Variants in GABRR1 observed in about 807,000 individuals in gnomAD.
GABRR1 encodes the protein gamma-aminobutyric acid receptor subunit rho-1.
Under a neutral mutation model 55.5 loss-of-function variants are expected in GABRR1, and 59 were observed. The ratio of observed to expected loss-of-function variants is 1.06; its 90% CI spans 0.86 to 1.32. The LOEUF (loss-of-function observed/expected upper bound fraction) is 1.32. Among genes scored for constraint, GABRR1 ranks in the 40% most tolerant of loss-of-function variants. GABRR1 has a pLI of 0.00. For missense variants in GABRR1, 602 were observed against 619.1 expected (o/e 0.97, Z 0.29); for synonymous variants, 213 against 226.0 (o/e 0.94, Z 0.51).
At chr6:89,180,610 C>T in intron 8 of GABRR1, 122 bp from the exon 9 acceptor site, 1 of 1,171,308 alleles carries the variant, frequency 8.5e-7, no homozygotes, top group Non-Finnish European at 1.2e-6. Context: ...ATCCCTGCTC[C>T]ACTGCCCAGC....
intron 1 of GABRR1, among the ~76,000 whole-genome samples, chr6:89,226,078 T>C (rs1293393426): frequency 1.3e-5 from 2 of 152,166 alleles, no homozygotes; most frequent in African/African-American, 4.8e-5. Context: ...GAGAAGTGTC[T>C]GTTCATGTCC....
In GABRR1 at chr6:89,217,219, T is replaced by A. The variant is rs1198410774; in HGVS notation, c.104A>T (p.Glu35Val). The change falls in exon 1 of 10, where the codon GAG becomes GTG. Residue 35 changes from glutamate (E) to valine (V), a missense_variant. This residue lies in a region of GABRR1 where 435 missense variants were observed against 424.2 expected (regional missense o/e 1.03). Transcript: ENST00000454853. ...RMHWPGREVH[E>V]MSKKGRPQRQ... The stretch of plus-strand genomic sequence containing the variant: ...CACTCACCTGCCTTTCTTAGACATC[T>A]CGTGGACTTCTCTTCCGGGCCAGTG... 2 of 1,614,002 alleles carry A rather than the reference T, an allele frequency of 1.2e-6. No homozygotes were observed. The highest frequency in any genetic ancestry group is 1.7e-6 in the Non-Finnish European group (2 of 1,180,012).
In GABRR1 at chr6:89,180,468, T is replaced by G; in HGVS notation, c.970A>C (p.Met324Leu). Reference sequence around the variant, plus strand: ...TTCACGCCCGTGATGATGGTGGACATGGTCAGCACCGTTGTGATACCTGCA... The same window carrying G: ...TTCACGCCCGTGATGATGGTGGACAGGGTCAGCACCGTTGTGATACCTGCA... Reference protein sequence around the residue: ...VPLGITTVLTMSTIITGVNAS... With the variant: ...VPLGITTVLTLSTIITGVNAS... The change falls in exon 9 of 10, where the codon ATG becomes CTG. Residue 324 changes from methionine to leucine, a missense_variant. Met to Leu is a conservative substitution (Grantham distance 15, BLOSUM62 2). Coordinates refer to ENST00000454853, the MANE Select transcript of GABRR1 (RefSeq NM_002042.5). The G allele has an allele frequency of 1.2e-6, 2 of 1,613,654 alleles. No individual in the cohort carries two copies. Among genetic ancestry groups the G allele is most frequent in the Non-Finnish European group, 8.5e-7 (1 of 1,179,878 alleles).
intron 1 of GABRR1, among the ~76,000 whole-genome samples, chr6:89,230,982 C>T (rs939071629): frequency 6.6e-6 from 1 of 151,960 alleles, no homozygotes; most frequent in African/African-American, 2.4e-5. Context: ...GTTTTTTAAG[C>T]CGGTCTGAAA....
At chr6:89,206,088 C>G (rs1430236197) in intron 1 of GABRR1, among the ~76,000 whole-genome samples, 2 of 152,096 alleles carry the variant, frequency 1.3e-5, no homozygotes, top group Non-Finnish European at 2.9e-5. Context: ...CCCCATGCCC[C>G]ACCCCTGCTG....
At chr6:89,194,560 T>C in intron 5 of GABRR1, among the ~76,000 whole-genome samples, 1 of 152,158 alleles carries the variant, frequency 6.6e-6, no homozygotes, top group East Asian at 1.9e-4. Context: ...AGACCATGAT[T>C]TGTAATCTCT....
At chr6:89,184,442 T>G (rs1771830259) in intron 7 of GABRR1, among the ~76,000 whole-genome samples, 2 of 152,104 alleles carry the variant, frequency 1.3e-5, no homozygotes, top group African/African-American at 4.8e-5. Flanking sequence ...GGGGTGAGCC[T>G]GTCCCAACCC....
intron 1 of GABRR1, among the ~76,000 whole-genome samples, chr6:89,229,630 C>A (rs1438749548): frequency 2.7e-5 from 3 of 111,462 alleles, no homozygotes; most frequent in African/African-American, 9.9e-5. Context: ...GCGGAGAGAT[C>A]CGCTGTTAGT....
intron 1 of GABRR1, among the ~76,000 whole-genome samples, chr6:89,203,876 T>A (rs1313401368): frequency 5.9e-5 from 9 of 152,180 alleles, no homozygotes; most frequent in Non-Finnish European, 1.5e-5. Flanking sequence ...CACTTGAGCA[T>A]CCTCGTTCTT....
intron 5 of GABRR1, among the ~76,000 whole-genome samples, chr6:89,192,612 G>C (rs1288407137): frequency 1.3e-5 from 2 of 149,052 alleles, no homozygotes; most frequent in East Asian, 2.0e-4. Context: ...GCCCAGGCTG[G>C]AGTGCAGTGG....
rs549063825 is a variant in GABRR1 at position 89,178,934 on chromosome 6, G to A, written c.1276C>T (p.Gln426Ter). The change falls in exon 10 of 10, where the codon CAG becomes TAG. Residue 426 changes from glutamine to a stop codon, truncating the protein, a stop_gained. Transcript: ENST00000454853. LOFTEE classifies it high-confidence loss of function. Reference protein sequence around the residue: ...NGEKPDRMMVQLTLASERSSP... With the variant: ...NGEKPDRMMV ...CTCCTCTCTGAGGCCAGGGTCAGCT[G>A]CACCATCATCCTGTCGGGCTTCTCT... 3 of 1,614,180 alleles carry A rather than the reference G, an allele frequency of 1.9e-6. No homozygotes were observed. Among genetic ancestry groups the A allele is most frequent in the Admixed American group, 3.3e-5 (2 of 60,028 alleles).
In GABRR1 at chr6:89,179,472, G is replaced by A. The variant is rs139990882; in HGVS notation, c.1147-409C>T. Among the ~76,000 whole-genome samples, 156 of 152,194 alleles carry A rather than the reference G, an allele frequency of 1.0e-3. 1 individual carries two copies. The highest frequency in any genetic ancestry group is 3.6e-3 in the African/African-American group (151 of 41,544). On this transcript the variant is annotated intron_variant, in intron 9 of 9. Coordinates refer to ENST00000454853, the MANE Select transcript of GABRR1 (RefSeq NM_002042.5). ...TGATCTCAGGTGATCCACCCGCCTC[G>A]GCCTCCCAAAGTGCTGGGATTACAG...
chr6:89,217,195 A>G lies in GABRR1; in HGVS notation c.122+6T>C, dbSNP rs1244360628. On this transcript the variant is annotated splice_donor_region_variant and intron_variant, in intron 1 of 9. Coordinates refer to ENST00000454853, the MANE Select transcript of GABRR1 (RefSeq NM_002042.5). ...CTAAATCCTCTATCCCTAAATGTCC[A>G]CTCACCTGCCTTTCTTAGACATCTC... 1.9e-6 allele frequency: 3 copies of G among 1,613,458 alleles called. No individual in the cohort carries two copies. The highest frequency in any genetic ancestry group is 1.3e-5 in the African/African-American group (1 of 74,792).
At chr6:89,200,071 G>A (rs539219642) in intron 3 of GABRR1, among the ~76,000 whole-genome samples, 2 of 152,208 alleles carry the variant, frequency 1.3e-5, no homozygotes, top group South Asian at 4.2e-4. Flanking sequence ...ATGCTCTGAG[G>A]ATGAAGGGCA....
intron 5 of GABRR1, among the ~76,000 whole-genome samples, chr6:89,196,421 G>C (rs1772273896): frequency 6.6e-6 from 1 of 152,034 alleles, no homozygotes; most frequent in African/African-American, 2.4e-5. Context: ...CCTTGGTGGT[G>C]CCATTGAGTT....
chr6:89,220,914 T>G (rs539172845), upstream of GABRR1, among the ~76,000 whole-genome samples: 1 of 152,190 alleles, frequency 6.6e-6, no homozygotes, highest in Non-Finnish European at 1.5e-5. Flanking sequence ...GAGACGGGGT[T>G]TCTCCATGTT....
chr6:89,205,424 G>A (rs1473908636), intron 1 of GABRR1: 1 of 152,270 alleles, frequency 6.6e-6, no homozygotes, highest in Non-Finnish European at 1.5e-5. Flanking sequence ...ATGAAGAAAG[G>A]ATAGGCATGT....
chr6:89,189,045 T>C (rs1021813679), intron 6 of GABRR1, among the ~76,000 whole-genome samples: 11 of 147,432 alleles, frequency 7.5e-5, no homozygotes, highest in Non-Finnish European at 1.5e-4. Flanking sequence ...CTCATGTCTG[T>C]GTGTGTGTGT....
At chr6:89,229,401 C>T (rs1314875815) in intron 1 of GABRR1, among the ~76,000 whole-genome samples, 4 of 150,516 alleles carry the variant, frequency 2.7e-5, no homozygotes, top group East Asian at 2.0e-4. Flanking sequence ...CAGCTGGTAC[C>T]GGTTGTTCCT....
Sources: allele counts gnomAD v4.1 joint callset (sites outside exome capture counted in the v4.1 genomes callset), GRCh38; gene constraint gnomAD v4.1.1; regional missense constraint gnomAD v4.1.1; transcripts MANE v1.5; gene names NCBI Gene and HGNC (gene_info 2026-07-23, HGNC 2026-07-21).